ITPR2: variants seen among roughly 807,000 people sequenced by gnomAD.
ITPR2 encodes the protein inositol 1,4,5-trisphosphate-gated calcium channel ITPR2.
Under a neutral mutation model 317.1 loss-of-function variants are expected in ITPR2, and 207 were observed. The ratio of observed to expected loss-of-function variants is 0.65; its 90% CI spans 0.58 to 0.73. The LOEUF is 0.73. Among genes scored for constraint, ITPR2 ranks in the 30% least tolerant of loss-of-function variants. The pLI is 0.00. For missense variants in ITPR2, 2,613 were observed against 3,284.0 expected (o/e 0.80, Z 4.99); for synonymous variants, 1,156 against 1,149.1 (o/e 1.01, Z -0.12).
At chr12:26,746,081 T>C (rs74455271) in intron 2 of ITPR2, among the ~76,000 whole-genome samples, 5 of 152,176 alleles carry the variant, frequency 3.3e-5, no homozygotes, top group African/African-American at 1.2e-4. Flanking sequence ...ACACATTAAA[T>C]TTCTTCTAAA....
chr12:26,748,501 A>G (rs2137098332), intron 2 of ITPR2, among the ~76,000 whole-genome samples: 1 of 152,248 alleles, frequency 6.6e-6, no homozygotes, highest in South Asian at 2.1e-4. Context: ...GTTTGCACCA[A>G]CCTAATAGTT....
At chr12:26,722,578 A>G in intron 4 of ITPR2, 23 bp from the exon 5 acceptor site, 1 of 1,572,682 alleles carries the variant, frequency 6.4e-7, no homozygotes, top group Non-Finnish European at 8.7e-7. Context: ...GACATAGATT[A>G]CCACCTTTAT....
intron 54 of ITPR2, among the ~76,000 whole-genome samples, chr12:26,395,007 G>A (rs746161451): frequency 8.5e-5 from 13 of 152,260 alleles, no homozygotes; most frequent in Admixed American, 2.0e-4. Context: ...AGGGATGATG[G>A]ACTGGCTTCA....
chr12:26,793,823 G>T (rs1213294368), intron 1 of ITPR2, among the ~76,000 whole-genome samples: 2 of 152,094 alleles, frequency 1.3e-5, no homozygotes, highest in African/African-American at 4.8e-5. Flanking sequence ...CCCTATGTAG[G>T]TATGTCCCAG....
intron 52 of ITPR2, among the ~76,000 whole-genome samples, chr12:26,404,113 A>G (rs183209658): frequency 1.3e-5 from 2 of 152,324 alleles, no homozygotes; most frequent in Admixed American, 1.3e-4. Flanking sequence ...AGGCAGTTGC[A>G]ATAATTCAGG....
intron 52 of ITPR2, among the ~76,000 whole-genome samples, chr12:26,409,887 C>T (rs1940484647): frequency 6.6e-6 from 1 of 151,942 alleles, no homozygotes; most frequent in Admixed American, 6.6e-5. Context: ...TATGGGCTGG[C>T]AGAAATATGT....
chr12:26,643,528 A>G (rs949331000), intron 21 of ITPR2, among the ~76,000 whole-genome samples: 1 of 152,252 alleles, frequency 6.6e-6, no homozygotes, highest in African/African-American at 2.4e-5. Flanking sequence ...TGAATTCTCT[A>G]AGAGTATTCT....
chr12:26,561,878 T>C lies in ITPR2; in HGVS notation c.4705A>G (p.Asn1569Asp), dbSNP rs779014833. ...VNTLFMKSHS[N>D]MVQRAAMGWR... ...CCCATTGCTGCTCTCTGCACCATAT[T>C]TGAATGGCTCTTCATGAAAAGAGTA... The change falls in exon 35 of 57, where the codon AAT (asparagine) becomes GAT (aspartate). Residue 1569 changes from asparagine to aspartate, a missense_variant. Asn to Asp is a conservative substitution (Grantham distance 23). Transcript: ENST00000381340. 2.3e-5 allele frequency: 37 copies of C among 1,590,148 alleles called. No homozygotes were observed. The highest frequency in any genetic ancestry group is 5.4e-5 in the African/African-American group (4 of 73,624).
chr12:26,605,087 C>CAAAAAAAAAAAAAAAAAAA (rs201682839), intron 26 of ITPR2, among the ~76,000 whole-genome samples: 1 of 66,830 alleles, frequency 1.5e-5, no homozygotes, highest in African/African-American at 4.8e-5. Context: ...GACTCAGTCT[C>CAAAAAAAAAAAAAAAAAAA]AAAAAAAAAA....
chr12:26,370,128 A>G (rs1222574259), intron 55 of ITPR2, among the ~76,000 whole-genome samples: 1 of 152,156 alleles, frequency 6.6e-6, no homozygotes, highest in South Asian at 2.1e-4. Context: ...TGCTCCTGTG[A>G]ATTCTGTGAG....
chr12:26,813,186 T>C (rs1268471161), intron 1 of ITPR2, among the ~76,000 whole-genome samples: 1 of 152,204 alleles, frequency 6.6e-6, no homozygotes, highest in Non-Finnish European at 1.5e-5. Flanking sequence ...AAAAGCATTT[T>C]AGCAGTAAGA....
intron 13 of ITPR2, among the ~76,000 whole-genome samples, chr12:26,674,449 G>C (rs1375308466): frequency 6.6e-6 from 1 of 152,144 alleles, no homozygotes; most frequent in Non-Finnish European, 1.5e-5. Flanking sequence ...ATGGGAAAAG[G>C]ATTCCCTATT....
intron 21 of ITPR2, among the ~76,000 whole-genome samples, chr12:26,638,148 A>T (rs7954369): frequency 0.31 from 46,673 of 152,110 alleles, 7,294 homozygotes; most frequent in South Asian, 0.42. Flanking sequence ...CATATAAAAT[A>T]GTGGCTGTGT....
chr12:26,381,823 G>A lies in ITPR2; in HGVS notation c.7857+5611C>T, dbSNP rs1939517750. Among the ~76,000 whole-genome samples, 3 of 152,216 alleles carry A rather than the reference G, an allele frequency of 2.0e-5. No individual in the cohort carries two copies. The South Asian group carries it at 6.2e-4, about 32-fold the overall frequency. On this transcript the variant is annotated intron_variant, in intron 55 of 56. Transcript: ENST00000381340. ...CCAGTGCTGTCAGAATACTTGTGGA[G>A]GCAGCAGCTCTCCAGACACGCATGC...
At chr12:26,659,373 T>C (rs1939268909) in intron 15 of ITPR2, 88 bp from the exon 16 acceptor site, 4 of 1,157,520 alleles carry the variant, frequency 3.5e-6, no homozygotes, top group Non-Finnish European at 5.0e-6. Flanking sequence ...GATTAATTTA[T>C]TCACAACAGA....
intron 42 of ITPR2, among the ~76,000 whole-genome samples, chr12:26,481,464 T>C (rs1942543905): frequency 6.6e-6 from 1 of 152,240 alleles, no homozygotes. Flanking sequence ...AGACACTGCA[T>C]GAAGCACGTA....
chr12:26,510,006 TG>T (rs1555144494), intron 37 of ITPR2, among the ~76,000 whole-genome samples: 2 of 32,318 alleles, frequency 6.2e-5, no homozygotes, highest in African/African-American at 2.8e-4. Flanking sequence ...GTGTGTGTGG[TG>T]GGGGGTGGGG....
chr12:26,341,633 T>C (rs1341821099), intron 55 of ITPR2, among the ~76,000 whole-genome samples: 1 of 152,248 alleles, frequency 6.6e-6, no homozygotes, highest in Non-Finnish European at 1.5e-5. Flanking sequence ...TAAACAGCTG[T>C]AGCTAATTAG....
rs941799642 is a variant in ITPR2 at position 26,832,963 on chromosome 12, A to AGCCAGACCGGGGCC, written c.-196_-183dup. On this transcript the variant is annotated 5_prime_UTR_variant, in exon 1 of 57. Transcript: ENST00000381340. ...CTCAGCCGTGCGTGCGCGCCGGGGAAGCCAGACCGGGGCCAAGCCGCAGCT... is the reference window on the plus strand; with the variant it reads ...CTCAGCCGTGCGTGCGCGCCGGGGAAGCCAGACCGGGGCCGCCAGACCGGGGCCAAGCCGCAGCT... The AGCCAGACCGGGGCC allele has an allele frequency of 3.3e-5, 18 of 551,846 alleles. No individual in the cohort carries two copies. Among genetic ancestry groups the AGCCAGACCGGGGCC allele is most frequent in the Non-Finnish European group, 5.6e-5 (18 of 321,442 alleles). The allele number at this position is 551,846 out of a possible 1,614,324, so 34.2% of individuals were successfully genotyped here. A position where few individuals can be genotyped will look rare whatever the true frequency, so the allele number is the denominator to read the frequency against.
Sources: gnomAD v4.1 joint callset for allele counts (sites outside exome capture counted in the v4.1 genomes callset) on GRCh38, gnomAD v4.1.1 for gene constraint, MANE v1.5 for transcripts, NCBI Gene and HGNC (gene_info 2026-07-23, HGNC 2026-07-21) for gene names.